The following DST variants were observed in gnomAD, a reference collection of about 807,000 sequenced individuals.
The protein encoded by DST is bullous pemphigoid antigen.
Under a neutral mutation model 875.2 loss-of-function variants are expected in DST, and 253 were observed. The observed-to-expected ratio is 0.29, with a 90% CI of 0.26 to 0.32. DST has a LOEUF of 0.32. Ranked by LOEUF, DST falls within the 10% of genes least tolerant of loss-of-function variation. DST has a pLI of 1.00. For missense variants in DST, 8,287 were observed against 9,111.6 expected (o/e 0.91, Z 3.68); for synonymous variants, 3,124 against 3,197.1 (o/e 0.98, Z 0.77).
At chr6:56,647,563 C>T (rs762685766) in intron 13 of DST, among the ~76,000 whole-genome samples, 30 of 152,076 alleles carry the variant, frequency 2.0e-4, no homozygotes, top group Non-Finnish European at 3.8e-4. Flanking sequence ...AAGGCTTTGT[C>T]GGCAATATTC....
At chr6:56,602,512 T>C (rs1270392276) in intron 43 of DST, among the ~76,000 whole-genome samples, 1 of 152,006 alleles carries the variant, frequency 6.6e-6, no homozygotes, top group Non-Finnish European at 1.5e-5. Context: ...TTTCTCAGAA[T>C]GTAACTCCAT....
At chr6:56,704,988 A>C (rs368688770) in intron 5 of DST, among the ~76,000 whole-genome samples, 5 of 152,218 alleles carry the variant, frequency 3.3e-5, no homozygotes, top group Middle Eastern at 3.2e-3. Flanking sequence ...AAAACTAAAT[A>C]ACACTAGCAC....
At chr6:56,469,122 T>C in intron 97 of DST, 123 bp from the exon 98 acceptor site, 1 of 582,514 alleles carries the variant, frequency 1.7e-6, no homozygotes. Flanking sequence ...AGTTTAGAGA[T>C]GTGCAGGCAC....
intron 2 of DST, among the ~76,000 whole-genome samples, chr6:56,940,667 C>T (rs748437971): frequency 6.6e-6 from 1 of 151,982 alleles, no homozygotes; most frequent in East Asian, 1.9e-4. Context: ...ACAACCTTGA[C>T]CTCCTGGGCT....
rs753660669 is a variant in DST, at chr6:56,466,181, C to T, written c.22584G>A (p.Gln7528=). ...FFLGNQFGDS[Q]QLRLVRILRS... ...GCAGGATCCGGACCAGTCGCAGTTG[C>T]TGGGAGTCTCCAAACTGTTCAGTGA... Residue 7528 remains glutamine (Q), a synonymous_variant, in exon 99 of 104, where the codon CAG becomes CAA. Transcript: ENST00000680361. 2 of 1,607,774 alleles carry T rather than the reference C, an allele frequency of 1.2e-6. No individual in the cohort carries two copies. The highest frequency in any genetic ancestry group is 3.4e-5 in the Admixed American group (2 of 59,530).
At position 56,626,220 on chromosome 6, in the gene DST, A is replaced by G. The variant is rs548027938; in HGVS notation, c.4723-956T>C. 4.6e-5 allele frequency among the ~76,000 whole-genome samples: 7 copies of G among 152,232 alleles called. No homozygotes were observed. In the South Asian group the frequency reaches 1.5e-3, roughly 32 times the overall value. On this transcript the variant is annotated intron_variant, in intron 34 of 103. Coordinates refer to ENST00000680361, the MANE Select transcript of DST (RefSeq NM_001374736.1). ...AGTGTAGTCTAAGTGTACAGTGTTT[A>G]TAAATTCTACAGAGGTGTACAGTAA...
rs768636586 is a variant in DST at position 56,597,926 on chromosome 6, G to A, written c.12009C>T (p.Asp4003=). The change falls in exon 47 of 104, where the codon GAC becomes GAT. Residue 4003 remains aspartate (D), a synonymous_variant. Coordinates refer to ENST00000680361, the MANE Select transcript of DST (RefSeq NM_001374736.1). ...TGTGTTTTGTCCCTGCCCTTTCTGAGTCTTTGTCAACATTTGACAACCAGT... is the reference window on the plus strand; with the variant it reads ...TGTGTTTTGTCCCTGCCCTTTCTGAATCTTTGTCAACATTTGACAACCAGT... ...LLDWLSNVDK[D]SERAGTKHKQ... is the part of the protein sequence containing the mutation. 1 of 1,613,406 alleles carries A rather than the reference G, an allele frequency of 6.2e-7. No homozygotes were observed. The highest frequency in any genetic ancestry group is 1.1e-5 in the South Asian group (1 of 90,964).
chr6:56,560,054 G>T (rs1392964054), intron 58 of DST, among the ~76,000 whole-genome samples: 1 of 151,984 alleles, frequency 6.6e-6, no homozygotes, highest in East Asian at 1.9e-4. Flanking sequence ...TCATTAACTA[G>T]TATCTACCTT....
Position 56,572,174 on chromosome 6 carries a change from A to T in DST, c.13647T>A (p.Asp4549Glu). 1 of 1,556,570 alleles carries T rather than the reference A, an allele frequency of 6.4e-7. No individual in the cohort carries two copies. Among genetic ancestry groups the T allele is most frequent in the Non-Finnish European group, 8.7e-7 (1 of 1,150,076 alleles). The change falls in exon 53 of 104, where the codon GAT (aspartate) becomes GAA (glutamate). Residue 4549 changes from aspartate to glutamate, a missense_variant. Coordinates refer to ENST00000680361, the MANE Select transcript of DST (RefSeq NM_001374736.1). ...TTGTTTTTTCAAGGACCAAAGCCTT[A>T]TCACTTGGTAAGCCATGGCTGGATA... is the stretch of plus-strand genomic sequence containing the variant. The part of the protein sequence containing the change: ...KEISSHGLPS[D>E]KALVLEKTNN...
intron 2 of DST, among the ~76,000 whole-genome samples, chr6:56,903,691 C>G (rs1795117098): frequency 1.3e-5 from 2 of 152,156 alleles, no homozygotes; most frequent in Admixed American, 1.3e-4. Flanking sequence ...AACTCCTGAC[C>G]TCATGATCTG....
At chr6:56,854,993 T>TGG (rs1030578025) in intron 3 of DST, among the ~76,000 whole-genome samples, 3 of 152,098 alleles carry the variant, frequency 2.0e-5, no homozygotes, top group African/African-American at 7.2e-5. Flanking sequence ...AGCTGTGGAG[T>TGG]AACCATACCA....
chr6:56,658,841 G>A (rs2099023897), intron 10 of DST, among the ~76,000 whole-genome samples: 1 of 152,186 alleles, frequency 6.6e-6, no homozygotes, highest in Admixed American at 6.5e-5. Context: ...CCTGGTGGAA[G>A]AGCACTCAGG....
At chr6:56,471,073 G>C (rs1299089741) in intron 95 of DST, 33 bp downstream of exon 95, 1 of 1,584,192 alleles carries the variant, frequency 6.3e-7, no homozygotes, top group Non-Finnish European at 8.6e-7. Context: ...TTTAAAAATT[G>C]TATCAGTCAT....
chr6:56,532,431 GCTGTTGTAGCAATTTTTTCTC>G lies in DST; in HGVS notation c.17000_17020del (p.Gly5667_Thr5673del). Reference sequence around the variant, plus strand: ...AATCTTCACTTTATCTGCGGGCTCTGCTGTTGTAGCAATTTTTTCTCCTTCTCGTTTGATTACCTCCACCGT... The same window carrying G: ...AATCTTCACTTTATCTGCGGGCTCTGCTTCTCGTTTGATTACCTCCACCGT... On this transcript the variant is annotated inframe_deletion, in exon 64 of 104. Transcript: ENST00000680361. 1.2e-6 allele frequency: 2 copies of G among 1,613,134 alleles called. No individual in the cohort carries two copies. The highest frequency in any genetic ancestry group is 1.7e-6 in the Non-Finnish European group (2 of 1,179,486).
intron 2 of DST, among the ~76,000 whole-genome samples, chr6:56,929,102 G>A (rs2127757951): frequency 6.6e-6 from 1 of 152,102 alleles, no homozygotes; most frequent in African/African-American, 2.4e-5. Context: ...CAATAAGGGA[G>A]GACTAGAACA....
chr6:56,485,570 G>C (rs746302390), intron 87 of DST, 99 bp from the exon 88 acceptor site: 47 of 1,159,308 alleles, frequency 4.1e-5, no homozygotes, highest in Non-Finnish European at 4.7e-5. Context: ...TGGTACTCAA[G>C]GGGAAGAGCA....
At chr6:56,931,785 A>T (rs543757939) in intron 2 of DST, among the ~76,000 whole-genome samples, 64 of 152,162 alleles carry the variant, frequency 4.2e-4, no homozygotes, top group Non-Finnish European at 7.9e-4. Context: ...GTTTTGGCCA[A>T]TTCCTCCCAT....
intron 68 of DST, 111 bp from the exon 69 acceptor site, chr6:56,526,678 A>C (rs1475480850): frequency 2.4e-5 from 21 of 860,672 alleles, no homozygotes; most frequent in African/African-American, 1.3e-4. Context: ...GCTTTGCCCC[A>C]CTCCCCCCCT....
chr6:56,911,922 A>G (rs1386121861), intron 2 of DST, among the ~76,000 whole-genome samples: 2 of 152,214 alleles, frequency 1.3e-5, no homozygotes, highest in Non-Finnish European at 2.9e-5. Flanking sequence ...TTTTCTCTCA[A>G]TACTACATAA....
Sources: allele counts gnomAD v4.1 joint callset (sites outside exome capture counted in the v4.1 genomes callset), GRCh38; gene constraint gnomAD v4.1.1; transcripts MANE v1.5; gene names NCBI Gene and HGNC (gene_info 2026-07-23, HGNC 2026-07-21).